ANKRD29: variants seen among roughly 807,000 people sequenced by gnomAD.
ANKRD29 encodes the protein ankyrin repeat domain-containing protein 29.
In ANKRD29, 32 loss-of-function variants were observed where a neutral mutation model predicts 38.0. That is an observed-to-expected ratio of 0.84 (90% confidence interval 0.64 to 1.13). ANKRD29 has a LOEUF of 1.13. Ranked by LOEUF, ANKRD29 falls within the 50% of genes most tolerant of loss-of-function variation. The pLI is 0.00. For synonymous variants in ANKRD29, 135 were observed against 152.4 expected (o/e 0.89, Z 0.84); for missense variants, 357 against 377.9 (o/e 0.94, Z 0.46).
intron 8 of ANKRD29, among the ~76,000 whole-genome samples, chr18:23,613,914 TAG>T (rs1281925200): frequency 6.6e-6 from 1 of 152,090 alleles, no homozygotes; most frequent in African/African-American, 2.4e-5. Flanking sequence ...TGTATTTTTG[TAG>T]AGACAGGGTT....
At chr18:23,634,434 C>T (rs1317998922) in intron 4 of ANKRD29, among the ~76,000 whole-genome samples, 2 of 151,754 alleles carry the variant, frequency 1.3e-5, no homozygotes, top group African/African-American at 2.4e-5. Context: ...GGACTACAGG[C>T]GTGCACCACC....
intron 4 of ANKRD29, 70 bp downstream of exon 4, chr18:23,638,779 G>T: frequency 8.3e-7 from 1 of 1,211,262 alleles, no homozygotes; most frequent in Non-Finnish European, 1.2e-6. Flanking sequence ...TACCATAGAT[G>T]AGGAGAAAAG....
At chr18:23,647,253 G>A (rs971284612) in intron 2 of ANKRD29, 1 of 152,116 alleles carries the variant, frequency 6.6e-6, no homozygotes, top group Non-Finnish European at 1.5e-5. Flanking sequence ...GAAATATGGG[G>A]GAATAATAAA....
intron 3 of ANKRD29, among the ~76,000 whole-genome samples, chr18:23,640,255 T>G (rs1480119224): frequency 6.6e-6 from 1 of 152,110 alleles, no homozygotes; most frequent in Non-Finnish European, 1.5e-5. Flanking sequence ...CCCAGGAGCC[T>G]CCAGTGGCAG....
At chr18:23,638,108 C>T (rs968081345) in intron 4 of ANKRD29, among the ~76,000 whole-genome samples, 12 of 149,242 alleles carry the variant, frequency 8.0e-5, no homozygotes, top group African/African-American at 2.8e-4. Context: ...AGTGATTCTC[C>T]TACCTCAGCC....
intron 9 of ANKRD29, among the ~76,000 whole-genome samples, chr18:23,607,832 G>A (rs1460203464): frequency 6.6e-6 from 1 of 152,164 alleles, no homozygotes; most frequent in Non-Finnish European, 1.5e-5. Flanking sequence ...TCTCCCCACT[G>A]CTCCTGGGAG....
chr18:23,646,380 C>G, intron 2 of ANKRD29, 93 bp from the exon 3 acceptor site: 1 of 1,099,354 alleles, frequency 9.1e-7, no homozygotes, highest in East Asian at 2.5e-5. Flanking sequence ...CAGCTCCACT[C>G]AGAACACATC....
At chr18:23,645,568 C>G (rs939017845) in intron 3 of ANKRD29, among the ~76,000 whole-genome samples, 1 of 152,066 alleles carries the variant, frequency 6.6e-6, no homozygotes, top group Non-Finnish European at 1.5e-5. Flanking sequence ...GGCGAGACTC[C>G]ATCTTAAAAA....
rs192458126 is a variant in ANKRD29, at chr18:23,645,009, T to C, written c.231+1180A>G. ...GAGGTGACGGTCCAGGCTGGAAGAA[T>C]GAGATATACGATATACTGGCTTGAT... On this transcript the variant is annotated intron_variant, in intron 3 of 9. Transcript: ENST00000592179. Among the ~76,000 whole-genome samples the C allele has an allele frequency of 2.5e-3, 388 of 152,330 alleles. 6 individuals carry two copies. The highest frequency in any genetic ancestry group is 0.01 in the Middle Eastern group (3 of 294).
intron 8 of ANKRD29, among the ~76,000 whole-genome samples, chr18:23,612,987 A>G (rs1037960164): frequency 6.6e-6 from 1 of 152,056 alleles, no homozygotes; most frequent in African/African-American, 2.4e-5. Flanking sequence ...CTCATAATAA[A>G]AACCACTCTG....
chr18:23,633,961 T>C, intron 5 of ANKRD29, 90 bp downstream of exon 5: 1 of 1,312,232 alleles, frequency 7.6e-7, no homozygotes, highest in South Asian at 1.2e-5. Context: ...ATTAAAGTAT[T>C]TTTGAAGTTG....
chr18:23,609,029 G>A (rs7505381), intron 9 of ANKRD29, among the ~76,000 whole-genome samples: 1,553 of 152,054 alleles, frequency 0.01, 20 homozygotes, highest in African/African-American at 0.036. Flanking sequence ...GGGAGGCGGA[G>A]GTTGCAGTGA....
chr18:23,620,909 A>C (rs551176381), intron 6 of ANKRD29, among the ~76,000 whole-genome samples: 25 of 152,244 alleles, frequency 1.6e-4, no homozygotes, highest in Admixed American at 6.5e-4. Flanking sequence ...CGGGAAGGCA[A>C]GGCCACAGTG....
chr18:23,657,850 T>C (rs2060304843), intron 1 of ANKRD29, among the ~76,000 whole-genome samples: 1 of 152,344 alleles, frequency 6.6e-6, no homozygotes, highest in Admixed American at 6.5e-5. Context: ...ATTCATATGC[T>C]GAAGCCCTAA....
intron 6 of ANKRD29, 29 bp from the exon 7 acceptor site, chr18:23,619,658 T>A: frequency 6.6e-7 from 1 of 1,525,198 alleles, no homozygotes; most frequent in South Asian, 1.2e-5. Context: ...GCGGCCGCCG[T>A]GACTGGGGCG....
chr18:23,625,912 T>C (rs1449453008), intron 6 of ANKRD29, among the ~76,000 whole-genome samples: 1 of 152,168 alleles, frequency 6.6e-6, no homozygotes, highest in African/African-American at 2.4e-5. Context: ...TCTGGAGCCT[T>C]CTTCTAACTC....
chr18:23,636,332 G>A (rs1015242502), intron 4 of ANKRD29, among the ~76,000 whole-genome samples: 2 of 152,094 alleles, frequency 1.3e-5, no homozygotes, highest in Non-Finnish European at 1.5e-5. Context: ...TATAGATGGG[G>A]TCTTGCTATG....
intron 1 of ANKRD29, among the ~76,000 whole-genome samples, chr18:23,650,123 T>C (rs1011756268): frequency 6.6e-6 from 1 of 151,932 alleles, no homozygotes; most frequent in African/African-American, 2.4e-5. Context: ...CATGTCTTCA[T>C]ATGGATCCTT....
chr18:23,645,800 T>C (rs1438516373), intron 3 of ANKRD29, among the ~76,000 whole-genome samples: 2 of 152,154 alleles, frequency 1.3e-5, no homozygotes, highest in African/African-American at 2.4e-5. Context: ...TGAGACATCC[T>C]AGCAAGTGAG....
Sources: gnomAD v4.1 joint callset for allele counts (sites outside exome capture counted in the v4.1 genomes callset) on GRCh38, gnomAD v4.1.1 for gene constraint, MANE v1.5 for transcripts, NCBI Gene and HGNC (gene_info 2026-07-23, HGNC 2026-07-21) for gene names.